Variants in MAN2B2 observed in about 807,000 individuals in gnomAD.
The protein encoded by MAN2B2 is epididymis-specific alpha-mannosidase.
MAN2B2 carries 106 observed loss-of-function variants against 117.1 expected under a neutral mutation model. The observed-to-expected ratio is 0.90, with a 90% CI of 0.77 to 1.06. The LOEUF (loss-of-function observed/expected upper bound fraction) is 1.06. Among genes scored for constraint, MAN2B2 ranks in the 50% least tolerant of loss-of-function variants. MAN2B2 has a pLI of 0.00. For missense variants in MAN2B2, 1,326 were observed against 1,381.4 expected (o/e 0.96, Z 0.64); for synonymous variants, 544 against 595.1 (o/e 0.91, Z 1.25).
At chr4:6,619,750 C>T (rs570564763) in intron 17 of MAN2B2, 177 bp from the exon 18 acceptor site, 6 of 639,680 alleles carry the variant, frequency 9.4e-6, no homozygotes, top group South Asian at 8.8e-5. Context: ...ACGGCCAGTC[C>T]TGTCCTCGCA....
intron 17 of MAN2B2, chr4:6,618,266 G>A (rs1036266580): frequency 2.0e-5 from 3 of 152,226 alleles, no homozygotes; most frequent in African/African-American, 7.2e-5. Context: ...GATTACAGGC[G>A]TGAGTGGCCT....
At chr4:6,586,832 A>C (rs1726648659) in intron 3 of MAN2B2, among the ~76,000 whole-genome samples, 164 bp from the exon 4 acceptor site, 1 of 152,256 alleles carries the variant, frequency 6.6e-6, no homozygotes, top group Non-Finnish European at 1.5e-5. Context: ...CATGATTAAA[A>C]GTTAATAATT....
intron 3 of MAN2B2, among the ~76,000 whole-genome samples, chr4:6,579,319 T>A (rs868723960): frequency 1.4e-3 from 24 of 17,258 alleles, no homozygotes; most frequent in East Asian, 3.3e-3. Flanking sequence ...ACCACCACCA[T>A]CACCACCACC....
intron 5 of MAN2B2, among the ~76,000 whole-genome samples, chr4:6,589,392 C>G (rs529047734): frequency 1.1e-4 from 17 of 152,330 alleles, no homozygotes; most frequent in African/African-American, 3.8e-4. Context: ...AGGCACCCAC[C>G]ACCACACCCA....
At chr4:6,589,527 C>T (rs1279677671) in intron 5 of MAN2B2, among the ~76,000 whole-genome samples, 4 of 152,136 alleles carry the variant, frequency 2.6e-5, no homozygotes, top group Non-Finnish European at 4.4e-5. Context: ...AGGCATGAGC[C>T]GCCGCGCCCA....
At chr4:6,620,204 A>G (rs1375394444) in intron 18 of MAN2B2, 160 bp downstream of exon 18, 2 of 596,142 alleles carry the variant, frequency 3.4e-6, no homozygotes, top group Admixed American at 6.0e-5. Context: ...AATCTACTAC[A>G]GTCGGTTAAG....
intron 3 of MAN2B2, among the ~76,000 whole-genome samples, chr4:6,583,966 G>A (rs549129951): frequency 2.0e-5 from 3 of 152,306 alleles, no homozygotes; most frequent in South Asian, 2.1e-4. Context: ...GTCCCTGGAA[G>A]GTCAAACTCC....
intron 10 of MAN2B2, among the ~76,000 whole-genome samples, chr4:6,601,987 G>A (rs911433440): frequency 6.6e-6 from 1 of 152,204 alleles, no homozygotes; most frequent in African/African-American, 2.4e-5. Flanking sequence ...GACTGATACT[G>A]GGCTTGGGGC....
At chr4:6,579,177 CCAT>C (rs1726255110) in intron 3 of MAN2B2, among the ~76,000 whole-genome samples, 15 of 84,360 alleles carry the variant, frequency 1.8e-4, no homozygotes, top group South Asian at 5.6e-4. Flanking sequence ...ACCACCACCA[CCAT>C]CACCATCACC....
chr4:6,608,385 C>T (rs891208208), intron 11 of MAN2B2, among the ~76,000 whole-genome samples: 49 of 152,214 alleles, frequency 3.2e-4, no homozygotes, highest in South Asian at 2.1e-4. Context: ...CCTCATTGTC[C>T]GCCCACAGCC....
intron 5 of MAN2B2, among the ~76,000 whole-genome samples, chr4:6,592,676 T>C (rs878916217): frequency 6.6e-6 from 1 of 152,158 alleles, no homozygotes; most frequent in South Asian, 2.1e-4. Context: ...GTTCCATGGC[T>C]GCTACCCCGA....
intron 11 of MAN2B2, among the ~76,000 whole-genome samples, chr4:6,606,032 C>T (rs1050479160): frequency 7.9e-5 from 12 of 152,226 alleles, no homozygotes; most frequent in East Asian, 1.9e-4. Flanking sequence ...AGGCCACGTC[C>T]GGTGGAGTCT....
chr4:6,619,665 C>G (rs1712064191), intron 17 of MAN2B2: 2 of 398,126 alleles, frequency 5.0e-6, no homozygotes, highest in East Asian at 1.1e-4. Flanking sequence ...TGCCACACCT[C>G]CCGGGCTGCT....
At chr4:6,576,305 G>A (rs1367093619) in intron 1 of MAN2B2, among the ~76,000 whole-genome samples, 1 of 152,200 alleles carries the variant, frequency 6.6e-6, no homozygotes, top group African/African-American at 2.4e-5. Context: ...ACCCCTCTGA[G>A]AAACTGTCCC....
intron 10 of MAN2B2, 141 bp from the exon 11 acceptor site, chr4:6,604,914 A>T: frequency 9.7e-7 from 1 of 1,029,422 alleles, no homozygotes; most frequent in South Asian, 1.6e-5. Flanking sequence ...AAGGGGAGAA[A>T]GCCAGAACTG....
chr4:6,604,692 G>T (rs181504024), intron 10 of MAN2B2, among the ~76,000 whole-genome samples: 165 of 152,234 alleles, frequency 1.1e-3, no homozygotes, highest in Admixed American at 2.2e-3. Context: ...AGCTGTATTC[G>T]TGGATCTCGG....
intron 10 of MAN2B2, among the ~76,000 whole-genome samples, chr4:6,601,813 A>G (rs1265582034): frequency 6.6e-6 from 1 of 152,236 alleles, no homozygotes; most frequent in East Asian, 1.9e-4. Flanking sequence ...TGTACCACAC[A>G]GAGTCCCTGA....
Position 6,575,359 on chromosome 4 carries a change from A to C in MAN2B2, c.138+11A>C, listed in dbSNP as rs573349412. ...GTCTACACTGTGCAGGTAGGTGCCG[A>C]CCACGCCCCGCGCGCCCCTGAGGCT... On this transcript the variant is annotated intron_variant, in intron 1 of 18. Coordinates refer to ENST00000285599, the MANE Select transcript of MAN2B2 (RefSeq NM_015274.3). 1 of 1,516,526 alleles carries C rather than the reference A, an allele frequency of 6.6e-7. No individual in the cohort carries two copies. The highest frequency in any genetic ancestry group is 1.2e-5 in the South Asian group (1 of 81,910). 93.9% of individuals were successfully genotyped at this position (1,516,526 alleles called of 1,614,324 possible). A position where few individuals can be genotyped will look rare whatever the true frequency, so the allele number is the denominator to read the frequency against.
At chr4:6,579,322 C>T (rs866068770) in intron 3 of MAN2B2, among the ~76,000 whole-genome samples, 4 of 57,594 alleles carry the variant, frequency 6.9e-5, no homozygotes, top group South Asian at 7.4e-4. Flanking sequence ...ACCACCATCA[C>T]CACCACCACC....
Sources: allele counts gnomAD v4.1 joint callset (sites outside exome capture counted in the v4.1 genomes callset), GRCh38; gene constraint gnomAD v4.1.1; transcripts MANE v1.5; gene names NCBI Gene and HGNC (gene_info 2026-07-23, HGNC 2026-07-21).